The following BTBD9 variants were observed in gnomAD, a reference collection of about 807,000 sequenced individuals.
The protein encoded by BTBD9 is BTB/POZ domain-containing protein 9.
Under a neutral mutation model 64.3 loss-of-function variants are expected in BTBD9, and 49 were observed. The ratio of observed to expected loss-of-function variants is 0.76; its 90% confidence interval spans 0.61 to 0.97. The LOEUF is 0.97. BTBD9 is among the 50% of genes least tolerant of loss of function. BTBD9 has a pLI of 0.00. For missense variants in BTBD9, 598 were observed against 762.1 expected, an observed-to-expected ratio of 0.78 and a Z score of 2.53; for synonymous variants, 260 against 274.7, an observed-to-expected ratio of 0.95 and a Z score of 0.53.
chr6:38,355,749 C>T (rs1764703702), intron 6 of BTBD9, among the ~76,000 whole-genome samples: 1 of 152,152 alleles, frequency 6.6e-6, no homozygotes, highest in Non-Finnish European at 1.5e-5. Flanking sequence ...CAACCTTCAC[C>T]ATCACTGTAG....
At chr6:38,285,117 G>A (rs1447779969) in intron 8 of BTBD9, among the ~76,000 whole-genome samples, 2 of 152,162 alleles carry the variant, frequency 1.3e-5, no homozygotes, top group African/African-American at 2.4e-5. Flanking sequence ...TGATTCCTCT[G>A]AGAGAAGGGT....
intron 6 of BTBD9, among the ~76,000 whole-genome samples, chr6:38,503,934 TTTCTA>T (rs1772331045): frequency 6.6e-6 from 1 of 152,184 alleles, no homozygotes; most frequent in Non-Finnish European, 1.5e-5. Context: ...CTTCCCATCC[TTTCTA>T]TTCATTTGCT....
intron 6 of BTBD9, among the ~76,000 whole-genome samples, chr6:38,561,960 A>G (rs1775283811): frequency 6.6e-6 from 1 of 152,176 alleles, no homozygotes; most frequent in Non-Finnish European, 1.5e-5. Flanking sequence ...AGAAAGAGAG[A>G]GCATGCAAGT....
rs1365314988 is a variant in BTBD9 at position 38,591,779 on chromosome 6, T to C, written c.814+797A>G. Among the ~76,000 whole-genome samples the C allele has an allele frequency of 5.3e-5, 8 of 152,228 alleles. No individual in the cohort carries two copies. The East Asian group carries it at 7.7e-4, about 15-fold the overall frequency. On this transcript the variant is annotated intron_variant, in intron 4 of 10. Transcript: ENST00000481247. Reference sequence around the variant, plus strand: ...TGCACTCTGTAAGTGTTAATTGCTATAAATCCATTAATAAGAAAAATCACC... The same window carrying C: ...TGCACTCTGTAAGTGTTAATTGCTACAAATCCATTAATAAGAAAAATCACC...
chr6:38,293,315 C>G (rs1341222832), intron 7 of BTBD9, among the ~76,000 whole-genome samples: 1 of 152,132 alleles, frequency 6.6e-6, no homozygotes, highest in African/African-American at 2.4e-5. Context: ...TTAGAAAAAA[C>G]TACTTTAAAT....
At chr6:38,507,318 C>G (rs1772570119) in intron 6 of BTBD9, among the ~76,000 whole-genome samples, 1 of 152,206 alleles carries the variant, frequency 6.6e-6, no homozygotes, top group Admixed American at 6.5e-5. Context: ...ACAGAAGACT[C>G]TTACTAAATG....
intron 1 of BTBD9, among the ~76,000 whole-genome samples, chr6:38,609,108 C>T (rs867701905): frequency 6.6e-6 from 1 of 152,274 alleles, no homozygotes; most frequent in Middle Eastern, 3.4e-3. Context: ...AATGAACAGG[C>T]ACAACTCAAG....
chr6:38,412,084 C>T (rs551164480), intron 6 of BTBD9, among the ~76,000 whole-genome samples: 3 of 151,888 alleles, frequency 2.0e-5, no homozygotes, highest in Admixed American at 2.0e-4. Context: ...GACTCATCAT[C>T]CAGATGCAAA....
intron 8 of BTBD9, among the ~76,000 whole-genome samples, chr6:38,272,634 G>A (rs1290044546): frequency 6.6e-6 from 1 of 152,034 alleles, no homozygotes; most frequent in African/African-American, 2.4e-5. Flanking sequence ...TCACTACAGT[G>A]AACACAACCG....
chr6:38,180,889 A>G (rs1215193363), intron 10 of BTBD9, among the ~76,000 whole-genome samples: 1 of 152,250 alleles, frequency 6.6e-6, no homozygotes, highest in Non-Finnish European at 1.5e-5. Context: ...AGCCTCAGTC[A>G]CAATCGGGTG....
chr6:38,553,277 G>A (rs139520325), intron 6 of BTBD9, among the ~76,000 whole-genome samples: 3 of 152,282 alleles, frequency 2.0e-5, no homozygotes, highest in African/African-American at 7.2e-5. Flanking sequence ...AAGACAAACT[G>A]GATTACCACA....
At chr6:38,409,643 T>A (rs903832686) in intron 6 of BTBD9, among the ~76,000 whole-genome samples, 2 of 151,818 alleles carry the variant, frequency 1.3e-5, no homozygotes, top group African/African-American at 4.8e-5. Flanking sequence ...GCTAACACAG[T>A]GAAACCCTGT....
intron 7 of BTBD9, among the ~76,000 whole-genome samples, chr6:38,302,317 A>C (rs1358876451): frequency 1.3e-5 from 2 of 151,734 alleles, no homozygotes; most frequent in African/African-American, 4.8e-5. Context: ...CTCTACTCTC[A>C]TAGCTATGAG....
intron 6 of BTBD9, among the ~76,000 whole-genome samples, chr6:38,535,852 G>C (rs755094623): frequency 6.6e-6 from 1 of 151,948 alleles, no homozygotes; most frequent in Non-Finnish European, 1.5e-5. Context: ...AGTCAAAATG[G>C]ATTAAAGACT....
At chr6:38,341,915 A>G (rs192327185) in intron 7 of BTBD9, among the ~76,000 whole-genome samples, 16 of 152,330 alleles carry the variant, frequency 1.1e-4, no homozygotes, top group African/African-American at 2.9e-4. Flanking sequence ...TCTCGTGGCT[A>G]TATGAACCCG....
intron 6 of BTBD9, among the ~76,000 whole-genome samples, chr6:38,483,066 A>T (rs1771234243): frequency 6.6e-6 from 1 of 152,006 alleles, no homozygotes; most frequent in African/African-American, 2.4e-5. Flanking sequence ...TCCCTGTGGT[A>T]TCATTCCAGT....
chr6:38,489,459 A>T (rs755217580), intron 6 of BTBD9, among the ~76,000 whole-genome samples: 6 of 152,154 alleles, frequency 3.9e-5, no homozygotes, highest in Non-Finnish European at 7.3e-5. Flanking sequence ...AAGAGTGAGA[A>T]GACCCTGTCT....
chr6:38,594,459 C>T lies in BTBD9; in HGVS notation c.186-132G>A, dbSNP rs866884427. The stretch of plus-strand genomic sequence containing the variant: ...ACACAAAGATCCAAGTGAAAAAATG[C>T]AAAGTAATCATTTAAAATGGTTCTT... On this transcript the variant is annotated intron_variant, in intron 2 of 10. Transcript: ENST00000481247. 10 of 1,088,848 alleles carry T rather than the reference C, an allele frequency of 9.2e-6. No individual in the cohort carries two copies. The Middle Eastern group carries it at 2.3e-3, about 248-fold the overall frequency. The allele number at this position is 1,088,848 out of a possible 1,614,324, so 67.4% of individuals were successfully genotyped here.
intron 6 of BTBD9, among the ~76,000 whole-genome samples, chr6:38,464,418 T>A (rs943318589): frequency 3.9e-5 from 6 of 152,280 alleles, no homozygotes; most frequent in African/African-American, 9.6e-5. Flanking sequence ...TTGTCCTTTT[T>A]ATGGATTGCT....
Sources: gnomAD v4.1 joint callset for allele counts (sites outside exome capture counted in the v4.1 genomes callset) on GRCh38, gnomAD v4.1.1 for gene constraint, MANE v1.5 for transcripts, NCBI Gene and HGNC (gene_info 2026-07-23, HGNC 2026-07-21) for gene names.